RFPL4B: variants seen among roughly 807,000 people sequenced by gnomAD.
RFPL4B encodes ret finger protein like 4B.
For synonymous variants in RFPL4B, 118 were observed against 126.3 expected, an observed-to-expected ratio of 0.93 and a Z score of 0.44; for missense variants, 314 against 327.7, an observed-to-expected ratio of 0.96 and a Z score of 0.32.
In RFPL4B at chr6:112,350,569, G is replaced by C; in HGVS notation, c.*69G>C. 3 of 1,186,630 alleles carry C rather than the reference G, an allele frequency of 2.5e-6. No individual in the cohort carries two copies. In the South Asian group the frequency reaches 4.5e-5, roughly 18 times the overall value. The allele number at this position is 1,186,630 out of a possible 1,614,324, so 73.5% of individuals were successfully genotyped here. On this transcript the variant is annotated 3_prime_UTR_variant, in exon 3 of 3. Transcript: ENST00000441065. ...ATTTTGGCCTGAGAAAGGTCAGCAT[G>C]ATTGAGGAAGAGATAATGTGCTATA...
At chr6:112,349,393 A>G (rs1213293562) in intron 2 of RFPL4B, 72 bp downstream of exon 2, 1 of 153,074 alleles carries the variant, frequency 6.5e-6, no homozygotes, top group Non-Finnish European at 1.5e-5. Flanking sequence ...GAGTTTGAAG[A>G]GTTTCGAAAT....
Position 112,350,409 on chromosome 6 carries a change from G to A in RFPL4B, c.701G>A (p.Gly234Asp), listed in dbSNP as rs11153361. ...DNNVLIYTHD[G>D]FFSLELLCPF... The stretch of plus-strand genomic sequence containing the variant: ...AATGTCCTCATCTATACACATGATG[G>A]TTTCTTCTCTTTGGAGCTTTTGTGT... Residue 234 changes from glycine (G) to aspartate (D), a missense_variant, in exon 3 of 3, where the codon GGT becomes GAT. By Grantham distance (94) the Gly-to-Asp change is moderately conservative. Coordinates refer to ENST00000441065, the MANE Select transcript of RFPL4B (RefSeq NM_001013734.3). 335,656 of 1,613,354 alleles carry A rather than the reference G, an allele frequency of 0.21. 36,672 individuals are homozygous for A. The highest frequency in any genetic ancestry group is 0.25 in the Middle Eastern group (1,513 of 6,058).
rs962345603 is a variant in RFPL4B, at chr6:112,349,826, C to T, written c.118C>T (p.Leu40=). The change falls in exon 3 of 3, where the codon CTA becomes TTA. Residue 40 remains leucine, a synonymous_variant. Transcript: ENST00000441065. The stretch of plus-strand genomic sequence containing the variant: ...CTTTGATTGCATCCAGAGGTATATA[C>T]TAGAAAACCATGATTTTAGAGCGAT... The part of the protein sequence containing the change: ...FCFDCIQRYI[L]ENHDFRAMCP... 6.2e-7 allele frequency: 1 copy of T among 1,614,156 alleles called. No individual in the cohort carries two copies. The highest frequency in any genetic ancestry group is 8.5e-7 in the Non-Finnish European group (1 of 1,180,026).
chr6:112,347,716 C>T (rs1185128715), intron 1 of RFPL4B, among the ~76,000 whole-genome samples: 2 of 152,214 alleles, frequency 1.3e-5, no homozygotes, highest in Non-Finnish European at 2.9e-5. Flanking sequence ...TTCGGCCGGG[C>T]GCCATGGTTC....
Position 112,349,822 on chromosome 6 carries a change from T to A in RFPL4B, c.114T>A (p.Tyr38Ter), listed in dbSNP as rs139825172. Residue 38 changes from tyrosine (Y) to a stop codon, truncating the protein, a stop_gained, in exon 3 of 3, where the codon TAT becomes TAA. Coordinates refer to ENST00000441065, the MANE Select transcript of RFPL4B (RefSeq NM_001013734.3). LOFTEE classifies it low-confidence loss of function (END_TRUNC). ...TCTGCTTTGATTGCATCCAGAGGTA[T>A]ATACTAGAAAACCATGATTTTAGAG... ...HVFCFDCIQR[Y>*]ILENHDFRAM... 25 of 1,614,052 alleles carry A rather than the reference T, an allele frequency of 1.5e-5. No individual in the cohort carries two copies. Among genetic ancestry groups the A allele is most frequent in the Non-Finnish European group, 1.9e-5 (23 of 1,180,028 alleles).
rs774301960 is a variant in RFPL4B at position 112,349,811 on chromosome 6, A to T, written c.103A>T (p.Ile35Phe). ...TACACACGTGTTCTGCTTTGATTGC[A>T]TCCAGAGGTATATACTAGAAAACCA... ...SCTHVFCFDC[I>F]QRYILENHDF... Residue 35 changes from isoleucine (I) to phenylalanine (F), a missense_variant, in exon 3 of 3, where the codon ATC (isoleucine) becomes TTC (phenylalanine). By Grantham distance (21) the Ile-to-Phe change is conservative (BLOSUM62 0). Transcript: ENST00000441065. 79 of 1,613,952 alleles carry T rather than the reference A, an allele frequency of 4.9e-5. No homozygotes were observed. The highest frequency in any genetic ancestry group is 6.3e-5 in the Non-Finnish European group (74 of 1,180,010).
rs142538350 is a variant in RFPL4B at position 112,350,043 on chromosome 6, A to G, written c.335A>G (p.Asn112Ser). Residue 112 changes from asparagine to serine, a missense_variant, in exon 3 of 3, where the codon AAT (asparagine) becomes AGT (serine). By Grantham distance (46) the Asn-to-Ser change is conservative. Coordinates refer to ENST00000441065, the MANE Select transcript of RFPL4B (RefSeq NM_001013734.3). ...GCCAGCTCCCTCCTTGTCTTCTCCA[A>G]TGATCTAAGAAGCGCTCAGTGTAAG... The part of the protein sequence containing the change: ...ATASSLLVFS[N>S]DLRSAQCKKI... The G allele has an allele frequency of 1.0e-3, 1,686 of 1,614,146 alleles. 8 individuals carry two copies. The African/African-American group carries it at 0.02, about 19-fold the overall frequency.
At position 112,350,595 on chromosome 6, in the gene RFPL4B, G is replaced by A; in HGVS notation, c.*95G>A. On this transcript the variant is annotated 3_prime_UTR_variant, in exon 3 of 3. Transcript: ENST00000441065. ...ATTGAGGAAGAGATAATGTGCTATA[G>A]TGCAAAGACTTGGTAAATTTTTAAA... 2 of 944,844 alleles carry A rather than the reference G, an allele frequency of 2.1e-6. No homozygotes were observed. The highest frequency in any genetic ancestry group is 3.2e-6 in the Non-Finnish European group (2 of 634,796). 58.5% of individuals were successfully genotyped at this position (944,844 alleles called of 1,614,324 possible). A position where few individuals can be genotyped will look rare whatever the true frequency, so the allele number is the denominator to read the frequency against.
chr6:112,347,972 C>A (rs1276230424), intron 1 of RFPL4B, among the ~76,000 whole-genome samples: 4 of 149,252 alleles, frequency 2.7e-5, no homozygotes, highest in Non-Finnish European at 5.9e-5. Flanking sequence ...AAGACTCCGT[C>A]TCAAAAAAAA....
At chr6:112,347,573 A>T (rs570146438) in intron 1 of RFPL4B, among the ~76,000 whole-genome samples, 166 bp downstream of exon 1, 5 of 152,306 alleles carry the variant, frequency 3.3e-5, no homozygotes, top group African/African-American at 4.8e-5. Context: ...TGCCATTTAA[A>T]TTTTTACATA....
At position 112,350,719 on chromosome 6, in the gene RFPL4B, T is replaced by C. The variant is rs144392009; in HGVS notation, c.*219T>C. On this transcript the variant is annotated 3_prime_UTR_variant, in exon 3 of 3. Transcript: ENST00000441065. Reference sequence around the variant, plus strand: ...TAACTGGGGTCTTTAGGGATGTTATTAAGTACTGTAAGCTTCAGTTTTCTA... The same window carrying C: ...TAACTGGGGTCTTTAGGGATGTTATCAAGTACTGTAAGCTTCAGTTTTCTA... 17,694 of 481,474 alleles carry C rather than the reference T, an allele frequency of 0.037. 420 individuals carry two copies. Among genetic ancestry groups the C allele is most frequent in the South Asian group, 0.06 (1,336 of 22,094 alleles). 29.8% of individuals were successfully genotyped at this position (481,474 alleles called of 1,614,324 possible).
At position 112,349,586 on chromosome 6, in the gene RFPL4B, A is replaced by G. The variant is rs925296044; in HGVS notation, c.-105-18A>G. 4.2e-6 allele frequency: 2 copies of G among 471,906 alleles called. No homozygotes were observed. Among genetic ancestry groups the G allele is most frequent in the South Asian group, 6.1e-5 (1 of 16,372 alleles). 29.2% of individuals were successfully genotyped at this position (471,906 alleles called of 1,614,324 possible). ...AATAACTTATTTATTAATTTATATT[A>G]TTTAATCTTGGATTTAGACTATTGA... On this transcript the variant is annotated intron_variant, in intron 2 of 2. Transcript: ENST00000441065.
rs9398306 is a variant in RFPL4B, at chr6:112,350,731, G to C, written c.*231G>C. On this transcript the variant is annotated 3_prime_UTR_variant, in exon 3 of 3. Transcript: ENST00000441065. ...TTAGGGATGTTATTAAGTACTGTAA[G>C]CTTCAGTTTTCTAGTCTGTAGATGC... 8.9e-6 allele frequency: 4 copies of C among 447,248 alleles called. No homozygotes were observed. The South Asian group carries it at 1.7e-4, about 19-fold the overall frequency. The allele number at this position is 447,248 out of a possible 1,614,324, so 27.7% of individuals were successfully genotyped here. A position where few individuals can be genotyped will look rare whatever the true frequency, so the allele number is the denominator to read the frequency against.
In RFPL4B at chr6:112,350,193, T is replaced by G; in HGVS notation, c.485T>G (p.Val162Gly). The G allele has an allele frequency of 1.9e-6, 3 of 1,614,160 alleles. No homozygotes were observed. Among genetic ancestry groups the G allele is most frequent in the Non-Finnish European group, 2.5e-6 (3 of 1,180,046 alleles). Reference sequence around the variant, plus strand: ...GAGGTGAAGTCATGGTCCCTGGGCGTCTGCAAGGAGCCGGCTGACAGAAAG... The same window carrying G: ...GAGGTGAAGTCATGGTCCCTGGGCGGCTGCAAGGAGCCGGCTGACAGAAAG... Reference protein sequence around the residue: ...VGEVKSWSLGVCKEPADRKSN... With the variant: ...VGEVKSWSLGGCKEPADRKSN... Residue 162 changes from valine (V) to glycine (G), a missense_variant, in exon 3 of 3, where the codon GTC (valine) becomes GGC (glycine). By Grantham distance (109) the Val-to-Gly change is moderately radical. Coordinates refer to ENST00000441065, the MANE Select transcript of RFPL4B (RefSeq NM_001013734.3).
In RFPL4B at chr6:112,350,070, A is replaced by C; in HGVS notation, c.362A>C (p.Lys121Thr). Residue 121 changes from lysine (K) to threonine (T), a missense_variant, in exon 3 of 3, where the codon AAG (lysine) becomes ACG (threonine). Physicochemically the swap from Lys to Thr is moderately conservative, Grantham distance 78 (BLOSUM62 -1). Transcript: ENST00000441065. ...GATCTAAGAAGCGCTCAGTGTAAGA[A>C]GATCCACCACGATCTGACAAAAGAT... Reference protein sequence around the residue: ...SNDLRSAQCKKIHHDLTKDPR... With the variant: ...SNDLRSAQCKTIHHDLTKDPR... 6.2e-7 allele frequency: 1 copy of C among 1,614,226 alleles called. No individual in the cohort carries two copies. The highest frequency in any genetic ancestry group is 8.5e-7 in the Non-Finnish European group (1 of 1,180,044).
At chr6:112,348,285 C>T (rs563734386) in intron 1 of RFPL4B, among the ~76,000 whole-genome samples, 133 of 152,158 alleles carry the variant, frequency 8.7e-4, no homozygotes, top group African/African-American at 2.0e-3. Flanking sequence ...TCTGGTTGTC[C>T]GCCAGCCAGG....
chr6:112,350,559 A>G lies in RFPL4B; in HGVS notation c.*59A>G. 7.5e-7 allele frequency: 1 copy of G among 1,335,332 alleles called. No homozygotes were observed. 82.7% of individuals were successfully genotyped at this position (1,335,332 alleles called of 1,614,324 possible). ...GTGAAAGAGAATTTTGGCCTGAGAA[A>G]GGTCAGCATGATTGAGGAAGAGATA... On this transcript the variant is annotated 3_prime_UTR_variant, in exon 3 of 3. Transcript: ENST00000441065.
Position 112,349,535 on chromosome 6 carries a change from A to G in RFPL4B, c.-105-69A>G, listed in dbSNP as rs992368668. On this transcript the variant is annotated intron_variant, in intron 2 of 2. Coordinates refer to ENST00000441065, the MANE Select transcript of RFPL4B (RefSeq NM_001013734.3). ...TTAATAAATTTATTATTATTTATTA[A>G]ATAATATAATTCATTTATGTATGCC... is the stretch of plus-strand genomic sequence containing the variant. 1.9e-5 allele frequency: 4 copies of G among 213,752 alleles called. No homozygotes were observed. In the Admixed American group the frequency reaches 2.3e-4, roughly 12 times the overall value. The allele number at this position is 213,752 out of a possible 1,614,324, so 13.2% of individuals were successfully genotyped here. A position where few individuals can be genotyped will look rare whatever the true frequency, so the allele number is the denominator to read the frequency against.
At position 112,347,358 on chromosome 6, in the gene RFPL4B, G is replaced by A. The variant is rs1277805544; in HGVS notation, c.-284G>A. 2.0e-5 allele frequency: 3 copies of A among 152,208 alleles called. No homozygotes were observed. The highest frequency in any genetic ancestry group is 2.1e-4 in the South Asian group (1 of 4,830). The allele number at this position is 152,208 out of a possible 1,614,324, so 9.4% of individuals were successfully genotyped here. ...AGGAGCAGAGGTCTGTAGAGGTAGA[G>A]ACGTAGGCTTCGGATCTTTTAGAAT... On this transcript the variant is annotated 5_prime_UTR_variant, in exon 1 of 3. Transcript: ENST00000441065.
Sources: gnomAD v4.1 joint callset for allele counts (sites outside exome capture counted in the v4.1 genomes callset) on GRCh38, gnomAD v4.1.1 for gene constraint, MANE v1.5 for transcripts, NCBI Gene and HGNC (gene_info 2026-07-23, HGNC 2026-07-21) for gene names.